The following LHX9 variants were observed in gnomAD, a reference collection of about 807,000 sequenced individuals.
LHX9 encodes LIM/homeobox protein Lhx9.
Under a neutral mutation model 36.5 loss-of-function variants are expected in LHX9, and 9 were observed. The ratio of observed to expected loss-of-function variants is 0.25; its 90% CI spans 0.15 to 0.43. LHX9 has a LOEUF of 0.43. Ranked by LOEUF, LHX9 falls within the 20% of genes least tolerant of loss-of-function variation. The probability of loss-of-function intolerance (pLI) is 1.00; values close to 1 mark genes in which losing one functional copy is unlikely to be tolerated. For synonymous variants in LHX9, 211 were observed against 212.1 expected (o/e 0.99, Z 0.04); for missense variants, 464 against 526.4 (o/e 0.88, Z 1.16).
chr1:197,928,582 T>G (rs1242615957), intron 4 of LHX9, among the ~76,000 whole-genome samples: 1 of 152,186 alleles, frequency 6.6e-6, no homozygotes, highest in African/African-American at 2.4e-5. Context: ...TGATGTCCAT[T>G]TCATATGAGT....
In LHX9 at chr1:197,927,760, C is replaced by T; in HGVS notation, c.903C>T (p.Ala301=). Residue 301 remains alanine, a synonymous_variant, in exon 4 of 5, where the codon GCC becomes GCT. Coordinates refer to ENST00000367387, the MANE Select transcript of LHX9 (RefSeq NM_020204.3). ...ATGCCAAGGACCTCAAGCAGCTTGC[C>T]CAGAAAACAGGTCTGACCAAAAGAG... ...NPDAKDLKQL[A]QKTGLTKRVL... 6.2e-7 allele frequency: 1 copy of T among 1,614,196 alleles called. No homozygotes were observed. Among genetic ancestry groups the T allele is most frequent in the Non-Finnish European group, 8.5e-7 (1 of 1,180,032 alleles).
rs1393542389 is a variant in LHX9 at position 197,929,788 on chromosome 1, G to C, written c.*529G>C. On this transcript the variant is annotated 3_prime_UTR_variant, in exon 5 of 5. Coordinates refer to ENST00000367387, the MANE Select transcript of LHX9 (RefSeq NM_020204.3). ...TTTTTAGTATTTCTATTTCTTACCT[G>C]AACTGTTAATTCAAGTGAGGAATAT... 20 of 942,544 alleles carry C rather than the reference G, an allele frequency of 2.1e-5. No homozygotes were observed. The highest frequency in any genetic ancestry group is 2.4e-5 in the Non-Finnish European group (19 of 791,086). The allele number at this position is 942,544 out of a possible 1,614,324, so 58.4% of individuals were successfully genotyped here. A position where few individuals can be genotyped will look rare whatever the true frequency, so the allele number is the denominator to read the frequency against.
rs990441380 is a variant in LHX9 at position 197,933,357 on chromosome 1, G to A, written c.*4098G>A. On this transcript the variant is annotated 3_prime_UTR_variant, in exon 5 of 5. Transcript: ENST00000367387. ...AAGAAAAAATTTTAAAGAAGAGAGA[G>A]CAACTTACTAATAAAAAAAAGCAAT... 6.6e-6 allele frequency: 1 copy of A among 152,010 alleles called. No individual in the cohort carries two copies. The highest frequency in any genetic ancestry group is 2.4e-5 in the African/African-American group (1 of 41,386). 9.4% of individuals were successfully genotyped at this position (152,010 alleles called of 1,614,324 possible).
chr1:197,925,141 T>G (rs1660104668), intron 3 of LHX9, among the ~76,000 whole-genome samples: 1 of 43,748 alleles, frequency 2.3e-5, no homozygotes, highest in Non-Finnish European at 4.2e-5. Flanking sequence ...TCCTTACATA[T>G]TGGATTGTGT....
chr1:197,921,477 G>C lies in LHX9; in HGVS notation c.551G>C (p.Arg184Pro), dbSNP rs755384384. ...ATGAAGGACAGCCTGGTGTACTGCC[G>C]CGCCCACTTCGAGACCCTCTTGCAA... ...FGMKDSLVYCRAHFETLLQGE... is the reference protein window; with the variant it reads ...FGMKDSLVYCPAHFETLLQGE... Residue 184 changes from arginine to proline, a missense_variant, in exon 3 of 5, where the codon CGC (arginine) becomes CCC (proline). Coordinates refer to ENST00000367387, the MANE Select transcript of LHX9 (RefSeq NM_020204.3). The surrounding 1 kb of genome is among the most constrained non-coding windows in gnomAD (Gnocchi z 4.6). 6.2e-7 allele frequency: 1 copy of C among 1,614,166 alleles called. No individual in the cohort carries two copies. Among genetic ancestry groups the C allele is most frequent in the African/African-American group, 1.3e-5 (1 of 75,040 alleles).
At chr1:197,913,572 G>A (rs114478718), upstream of LHX9, among the ~76,000 whole-genome samples, 1,727 of 152,206 alleles carry the variant, frequency 0.011, 42 homozygotes, top group African/African-American at 0.039. Flanking sequence ...AGCGTGTCCC[G>A]GCAATCCGCT....
At chr1:197,914,820 G>A (rs1205854452), upstream of LHX9, among the ~76,000 whole-genome samples, 1 of 152,116 alleles carries the variant, frequency 6.6e-6, no homozygotes, top group Non-Finnish European at 1.5e-5. Flanking sequence ...AAATGCCACT[G>A]GATGCAGGAA....
Position 197,917,455 on chromosome 1 carries a change from G to T in LHX9, c.-369G>T. 7.5e-7 allele frequency: 1 copy of T among 1,326,660 alleles called. No homozygotes were observed. The highest frequency in any genetic ancestry group is 1.0e-6 in the Non-Finnish European group (1 of 1,004,276). 82.2% of individuals were successfully genotyped at this position (1,326,660 alleles called of 1,614,324 possible). A position where few individuals can be genotyped will look rare whatever the true frequency, so the allele number is the denominator to read the frequency against. ...ATAGCACGTCTTTTTCTTTCTTTGT[G>T]TTCAAAACTATTTTCTTTCTTCACC... On this transcript the variant is annotated 5_prime_UTR_variant, in exon 1 of 5. Transcript: ENST00000367387.
At chr1:197,915,218 G>A (rs1659711833), upstream of LHX9, among the ~76,000 whole-genome samples, 1 of 152,250 alleles carries the variant, frequency 6.6e-6, no homozygotes, top group South Asian at 2.1e-4. Flanking sequence ...GACAAAGTAG[G>A]TTGAAGTCCT....
rs1184645092 is a variant in LHX9 at position 197,921,095 on chromosome 1, C to T, written c.378-209C>T. Reference sequence around the variant, plus strand: ...AGAAGAAAACTAAGGCTTAGTTGCCCGATTCTTCTGACTTTAATGTAAAGA... The same window carrying T: ...AGAAGAAAACTAAGGCTTAGTTGCCTGATTCTTCTGACTTTAATGTAAAGA... On this transcript the variant is annotated intron_variant, in intron 2 of 4. Transcript: ENST00000367387. This position sits in a 1 kb window ranked among gnomAD's most constrained non-coding sequence, Gnocchi z 4.6. 6.6e-6 allele frequency among the ~76,000 whole-genome samples: 1 copy of T among 151,818 alleles called. No homozygotes were observed. Among genetic ancestry groups the T allele is most frequent in the Non-Finnish European group, 1.5e-5 (1 of 67,974 alleles).
chr1:197,917,188 C>T (rs895049518), upstream of LHX9: 2 of 977,052 alleles, frequency 2.0e-6, no homozygotes, highest in African/African-American at 3.5e-5. Context: ...GCTCTCTATC[C>T]CCCCACCCCT....
rs760355983 is a variant in LHX9 at position 197,917,540 on chromosome 1, G to A, written c.-284G>A. The stretch of plus-strand genomic sequence containing the variant: ...CCCATTAGTAACTCGATCTCTCAGA[G>A]CAGTAAGATTCGCCTTCTACGCCTC... On this transcript the variant is annotated 5_prime_UTR_variant, in exon 1 of 5. Coordinates refer to ENST00000367387, the MANE Select transcript of LHX9 (RefSeq NM_020204.3). 1.3e-5 allele frequency: 19 copies of A among 1,451,908 alleles called. No individual in the cohort carries two copies. In the South Asian group the frequency reaches 2.0e-4, roughly 15 times the overall value. The allele number at this position is 1,451,908 out of a possible 1,614,324, so 89.9% of individuals were successfully genotyped here.
chr1:197,916,672 C>G, upstream of LHX9: 1 of 702,942 alleles, frequency 1.4e-6, no homozygotes, highest in Non-Finnish European at 2.6e-6. Flanking sequence ...AAAAGTAACC[C>G]TGAGAAATGC....
In LHX9 at chr1:197,932,098, G is replaced by C; in HGVS notation, c.*2839G>C. The C allele has an allele frequency of 2.9e-4, 177 of 607,638 alleles. No individual in the cohort carries two copies. Among genetic ancestry groups the C allele is most frequent in the Non-Finnish European group, 4.3e-4 (152 of 350,432 alleles). The allele number at this position is 607,638 out of a possible 1,614,324, so 37.6% of individuals were successfully genotyped here. A position where few individuals can be genotyped will look rare whatever the true frequency, so the allele number is the denominator to read the frequency against. On this transcript the variant is annotated 3_prime_UTR_variant, in exon 5 of 5. Transcript: ENST00000367387. Reference sequence around the variant, plus strand: ...AGCCAAAAAAAAAGAGAGAGAGAGAGACTTAAATGTCATTTACTGAATGTT... The same window carrying C: ...AGCCAAAAAAAAAGAGAGAGAGAGACACTTAAATGTCATTTACTGAATGTT...
chr1:197,923,872 G>A (rs999433751), intron 3 of LHX9, among the ~76,000 whole-genome samples: 1 of 152,194 alleles, frequency 6.6e-6, no homozygotes, highest in East Asian at 1.9e-4. Context: ...CTTTTGTCTT[G>A]GTCCCAAAGG....
rs544443274 is a variant in LHX9, at chr1:197,918,519, C to T, written c.174+522C>T. 1.4e-5 allele frequency: 9 copies of T among 622,936 alleles called. No individual in the cohort carries two copies. In the African/African-American group the frequency reaches 1.5e-4, roughly 10 times the overall value. 38.6% of individuals were successfully genotyped at this position (622,936 alleles called of 1,614,324 possible). A position where few individuals can be genotyped will look rare whatever the true frequency, so the allele number is the denominator to read the frequency against. On this transcript the variant is annotated intron_variant, in intron 1 of 4. Coordinates refer to ENST00000367387, the MANE Select transcript of LHX9 (RefSeq NM_020204.3). ...ACGCTCGGGGCTTGGGACCCCTAAC[C>T]GAGAGAATCTCAGGGTTTCTGGCAT...
chr1:197,918,228 G>C (rs1275621865), intron 1 of LHX9: 1 of 713,462 alleles, frequency 1.4e-6, no homozygotes, highest in East Asian at 2.7e-5. Context: ...GATTCCGAAA[G>C]AGCAGGGAGA....
chr1:197,916,648 A>G (rs946276484), upstream of LHX9: 15 of 702,824 alleles, frequency 2.1e-5, no homozygotes, highest in Admixed American at 8.0e-5. Context: ...TTTCTCAAAG[A>G]AAATTGTTTT....
Position 197,920,030 on chromosome 1 carries a change from T to A in LHX9, c.233T>A (p.Ile78Asn). The A allele has an allele frequency of 6.2e-7, 1 of 1,614,234 alleles. No individual in the cohort carries two copies. Among genetic ancestry groups the A allele is most frequent in the Non-Finnish European group, 8.5e-7 (1 of 1,180,032 alleles). ...CTGTGCGCCGGCTGCGGGGGCAAGA[T>A]CTCGGACAGGTACTATCTGCTGGCT... ...PALCAGCGGK[I>N]SDRYYLLAVD... The change falls in exon 2 of 5, where the codon ATC becomes AAC. Residue 78 changes from isoleucine to asparagine, a missense_variant. Physicochemically the swap from Ile to Asn is moderately radical, Grantham distance 149 (BLOSUM62 -3). Around this residue, in one of 5 missense-constraint regions of LHX9, gnomAD observed 93 missense variants for 150.3 expected, o/e 0.62. Coordinates refer to ENST00000367387, the MANE Select transcript of LHX9 (RefSeq NM_020204.3).
Sources: gnomAD v4.1 joint callset for allele counts (sites outside exome capture counted in the v4.1 genomes callset) on GRCh38, gnomAD v4.1.1 for gene constraint, gnomAD v4.1.1 regional missense constraint, Gnocchi (gnomAD v3.1) non-coding constraint, MANE v1.5 for transcripts, NCBI Gene and HGNC (gene_info 2026-07-23, HGNC 2026-07-21) for gene names.